The following CSMD3 variants were observed in gnomAD, a reference collection of about 807,000 sequenced individuals.
The protein encoded by CSMD3 is CUB and sushi domain-containing protein 3.
CSMD3 carries 177 observed loss-of-function variants against 435.2 expected under a neutral mutation model. That is an observed-to-expected ratio of 0.41 (90% CI 0.36 to 0.46). CSMD3 has a LOEUF of 0.46. Ranked by LOEUF, CSMD3 falls within the 20% of genes least tolerant of loss-of-function variation. CSMD3 has a pLI of 0.34. For synonymous variants in CSMD3, 1,656 were observed against 1,520.5 expected (o/e 1.09, Z -2.07); for missense variants, 4,265 against 4,504.6 (o/e 0.95, Z 1.52).
At chr8:112,871,999 T>C (rs909143738) in intron 10 of CSMD3, among the ~76,000 whole-genome samples, 1 of 152,038 alleles carries the variant, frequency 6.6e-6, no homozygotes, top group African/African-American at 2.4e-5. Context: ...TATAATCCAC[T>C]GGAAAAATAC....
At chr8:112,941,838 G>C (rs1430949392) in intron 9 of CSMD3, among the ~76,000 whole-genome samples, 1 of 151,548 alleles carries the variant, frequency 6.6e-6, no homozygotes, top group Non-Finnish European at 1.5e-5. Flanking sequence ...AGAGAGTACA[G>C]AGGGTTCCCA....
chr8:113,312,848 T>C (rs1259737611), intron 2 of CSMD3: 1 of 152,138 alleles, frequency 6.6e-6, no homozygotes, highest in African/African-American at 2.4e-5. Context: ...TAGATGATTA[T>C]TGTATGAGTT....
At position 112,580,311 on chromosome 8, in the gene CSMD3, T is replaced by C. The variant is rs187922852; in HGVS notation, c.3886-6654A>G. The stretch of plus-strand genomic sequence containing the variant: ...ATATCCTATGCCACTTTGAAAAAAA[T>C]AAAACAATCAGACCCCAAACAAACT... On this transcript the variant is annotated intron_variant, in intron 23 of 70. Transcript: ENST00000297405. 6.0e-3 allele frequency among the ~76,000 whole-genome samples: 912 copies of C among 151,948 alleles called. 11 individuals are homozygous for C. The highest frequency in any genetic ancestry group is 0.035 in the South Asian group (168 of 4,818).
intron 11 of CSMD3, among the ~76,000 whole-genome samples, chr8:112,832,391 G>C (rs2079902444): frequency 6.6e-6 from 1 of 152,116 alleles, no homozygotes; most frequent in South Asian, 2.1e-4. Flanking sequence ...TCTCTAATCA[G>C]TTGACTTTAA....
intron 5 of CSMD3, among the ~76,000 whole-genome samples, chr8:113,052,131 A>G (rs1035423881): frequency 7.2e-5 from 11 of 152,234 alleles, no homozygotes; most frequent in Non-Finnish European, 1.5e-4. Context: ...CCAAGTAAAG[A>G]TGTAAAAATA....
chr8:112,473,444 A>G (rs538907263), intron 31 of CSMD3, among the ~76,000 whole-genome samples: 2 of 152,278 alleles, frequency 1.3e-5, no homozygotes, highest in South Asian at 4.1e-4. Context: ...CTTTAAGCGA[A>G]TAAGATCACT....
At chr8:112,876,547 T>C (rs1378749679) in intron 10 of CSMD3, among the ~76,000 whole-genome samples, 1 of 152,140 alleles carries the variant, frequency 6.6e-6, no homozygotes, top group Admixed American at 6.6e-5. Flanking sequence ...TCAATAACCA[T>C]AATCCATCAC....
At position 112,556,681 on chromosome 8, in the gene CSMD3, CAGAA is replaced by C. The variant is rs1828147218; in HGVS notation, c.4234+78_4234+81del. 5.4e-6 allele frequency: 6 copies of C among 1,117,318 alleles called. No homozygotes were observed. In the South Asian group the frequency reaches 7.6e-5, roughly 14 times the overall value. 69.2% of individuals were successfully genotyped at this position (1,117,318 alleles called of 1,614,324 possible). A position where few individuals can be genotyped will look rare whatever the true frequency, so the allele number is the denominator to read the frequency against. On this transcript the variant is annotated intron_variant, in intron 25 of 70. Coordinates refer to ENST00000297405, the MANE Select transcript of CSMD3 (RefSeq NM_198123.2). The stretch of plus-strand genomic sequence containing the variant: ...ATATAAAGTGTTAGTTCTATGAGGA[CAGAA>C]AGAATTTCTTAAAAATGCAAAGAAT...
At chr8:112,288,608 G>C (rs1017541215) in intron 57 of CSMD3, among the ~76,000 whole-genome samples, 5 of 151,574 alleles carry the variant, frequency 3.3e-5, no homozygotes, top group African/African-American at 1.2e-4. Flanking sequence ...TAAATATAAA[G>C]AAAAAGCAGA....
chr8:113,267,793 G>A (rs975614946), intron 3 of CSMD3, among the ~76,000 whole-genome samples: 3 of 151,478 alleles, frequency 2.0e-5, no homozygotes, highest in African/African-American at 4.8e-5. Context: ...GATTTCACAC[G>A]TATCTCATGA....
At chr8:112,554,856 ATAAT>A (rs1211825078) in intron 25 of CSMD3, among the ~76,000 whole-genome samples, 1 of 152,052 alleles carries the variant, frequency 6.6e-6, no homozygotes, top group Non-Finnish European at 1.5e-5. Context: ...AGTAATCTAA[ATAAT>A]TAAGAAAAGT....
intron 61 of CSMD3, among the ~76,000 whole-genome samples, chr8:112,262,949 C>T (rs1263575876): frequency 1.3e-5 from 2 of 151,962 alleles, no homozygotes; most frequent in Non-Finnish European, 2.9e-5. Flanking sequence ...CTCCTCTATC[C>T]CATGCTGGGA....
chr8:113,344,382 T>C (rs1588561086), intron 1 of CSMD3, among the ~76,000 whole-genome samples: 2 of 152,302 alleles, frequency 1.3e-5, no homozygotes, highest in Admixed American at 1.3e-4. Flanking sequence ...ATGTTTTCAG[T>C]ATCTTGTTTT....
At chr8:112,930,932 T>C (rs1373575788) in intron 9 of CSMD3, among the ~76,000 whole-genome samples, 2 of 152,110 alleles carry the variant, frequency 1.3e-5, no homozygotes, top group Non-Finnish European at 1.5e-5. Context: ...CATATGTCAG[T>C]AATGTAAATT....
At chr8:113,352,452 A>G (rs572147839) in intron 1 of CSMD3, among the ~76,000 whole-genome samples, 29 of 152,198 alleles carry the variant, frequency 1.9e-4, no homozygotes, top group Admixed American at 1.8e-3. Context: ...TTGACTTCAG[A>G]CTTGGCCTCC....
At position 112,753,376 on chromosome 8, in the gene CSMD3, G is replaced by C. The variant is rs146161501; in HGVS notation, c.1972+46786C>G. Among the ~76,000 whole-genome samples, 314 of 152,110 alleles carry C rather than the reference G, an allele frequency of 2.1e-3. 1 individual carries two copies. The highest frequency in any genetic ancestry group is 7.3e-3 in the African/African-American group (302 of 41,486). ...AAATAATTCATTTTTTATAAAGGAG[G>C]ACTAAATAAAATTAAAATAATACAT... On this transcript the variant is annotated intron_variant, in intron 13 of 70. Transcript: ENST00000297405.
chr8:112,829,931 A>G, intron 11 of CSMD3, 142 bp from the exon 12 acceptor site: 1 of 596,102 alleles, frequency 1.7e-6, no homozygotes, highest in Non-Finnish European at 3.0e-6. Flanking sequence ...ACACACAAGC[A>G]GTTCAATTAT....
intron 11 of CSMD3, among the ~76,000 whole-genome samples, chr8:112,831,491 A>G (rs2079871195): frequency 6.6e-6 from 1 of 151,804 alleles, no homozygotes; most frequent in Admixed American, 6.6e-5. Flanking sequence ...TGTTTTACCA[A>G]TTCAAATGTT....
chr8:112,945,611 T>TGG (rs1280792944), intron 9 of CSMD3, among the ~76,000 whole-genome samples: 1 of 151,154 alleles, frequency 6.6e-6, no homozygotes, highest in Non-Finnish European at 1.5e-5. Context: ...TGTGTGTGTG[T>TGG]GTGTGTGTGT....
Sources: gnomAD v4.1 joint callset for allele counts (sites outside exome capture counted in the v4.1 genomes callset) on GRCh38, gnomAD v4.1.1 for gene constraint, MANE v1.5 for transcripts, NCBI Gene and HGNC (gene_info 2026-07-23, HGNC 2026-07-21) for gene names.